CPLX2: variants seen among roughly 807,000 people sequenced by gnomAD.
The protein encoded by CPLX2 is complexin 2.
Under a neutral mutation model 16.3 loss-of-function variants are expected in CPLX2, and 5 were observed. The ratio of observed to expected loss-of-function variants is 0.31; its 90% CI spans 0.16 to 0.64. CPLX2 has a LOEUF of 0.64. CPLX2 is among the 30% of genes least tolerant of loss of function. CPLX2 has a pLI of 0.79. For missense variants in CPLX2, 144 were observed against 181.4 expected, an observed-to-expected ratio of 0.79 and a Z score of 1.18; for synonymous variants, 89 against 73.2, an observed-to-expected ratio of 1.22 and a Z score of -1.10.
chr5:175,830,296 A>G lies in CPLX2; in HGVS notation c.-89+21228A>G, dbSNP rs1417156647. Among the ~76,000 whole-genome samples, 1 of 152,138 alleles carries G rather than the reference A, an allele frequency of 6.6e-6. No homozygotes were observed. The highest frequency in any genetic ancestry group is 1.5e-5 in the Non-Finnish European group (1 of 68,028). ...TGGCTGAATTTTCACAACTCATGAG[A>G]GAGGAAGAGATGATTAGCCCCATTT... On this transcript the variant is annotated intron_variant, in intron 2 of 4. Coordinates refer to the CPLX2 transcript ENST00000359546. This position sits in a 1 kb window ranked among gnomAD's most constrained non-coding sequence, Gnocchi z 4.0.
chr5:175,824,140 G>A (rs896481762), intron 2 of CPLX2, among the ~76,000 whole-genome samples: 15 of 152,134 alleles, frequency 9.9e-5, no homozygotes, highest in Admixed American at 8.5e-4. Context: ...CCTCAAGGAC[G>A]CCTTTTTTTC....
At position 175,880,923 on chromosome 5, in the gene CPLX2, C is replaced by T. The variant is rs1265974225; in HGVS notation, c.*878C>T. On this transcript the variant is annotated 3_prime_UTR_variant, in exon 4 of 4. Coordinates refer to ENST00000393745, the MANE Select transcript of CPLX2 (RefSeq NM_001008220.2). ...AAGCTGCCCCCATTCCTATCCACCC[C>T]TCTCCCCACCCCGTCCTGTCCATGC... The T allele has an allele frequency of 6.5e-6, 1 of 152,794 alleles. No homozygotes were observed. The highest frequency in any genetic ancestry group is 1.5e-5 in the Non-Finnish European group (1 of 68,130). 9.5% of individuals were successfully genotyped at this position (152,794 alleles called of 1,614,324 possible). A position where few individuals can be genotyped will look rare whatever the true frequency, so the allele number is the denominator to read the frequency against.
chr5:175,866,620 T>C (rs1759482747), upstream of CPLX2, among the ~76,000 whole-genome samples: 1 of 151,994 alleles, frequency 6.6e-6, no homozygotes, highest in Non-Finnish European at 1.5e-5. Context: ...AGAGGACCTC[T>C]GAGGAGCTGC....
In CPLX2 at chr5:175,881,006, T is replaced by C. The variant is rs1755579668; in HGVS notation, c.*961T>C. ...CTTCCTGGCCAAAGCCCCAAGCCTT[T>C]GGTGAGAAGCCAATTCCCACTTGAC... On this transcript the variant is annotated 3_prime_UTR_variant, in exon 4 of 4. Coordinates refer to ENST00000393745, the MANE Select transcript of CPLX2 (RefSeq NM_001008220.2). The C allele has an allele frequency of 6.5e-6, 1 of 152,774 alleles. No homozygotes were observed. Among genetic ancestry groups the C allele is most frequent in the Non-Finnish European group, 1.5e-5 (1 of 68,088 alleles). 9.5% of individuals were successfully genotyped at this position (152,774 alleles called of 1,614,324 possible).
intron 2 of CPLX2, among the ~76,000 whole-genome samples, chr5:175,822,249 C>T (rs1360310421): frequency 6.6e-6 from 1 of 152,110 alleles, no homozygotes; most frequent in Non-Finnish European, 1.5e-5. Flanking sequence ...TCCTCAATTT[C>T]GTTTTCCTTC....
chr5:175,840,740 GA>G (rs1191703693), intron 2 of CPLX2, among the ~76,000 whole-genome samples: 1 of 152,216 alleles, frequency 6.6e-6, no homozygotes, highest in Admixed American at 6.5e-5. Context: ...TGGTGCCAGG[GA>G]AAAGGGCAGG....
Position 175,830,090 on chromosome 5 carries a change from T to C in CPLX2, c.-89+21022T>C, listed in dbSNP as rs532816797. ...CGGCCCTCCGTGCTCTCTGGGGTTC[T>C]GAAAACAGAACTGTGTGGTGCCAGG... On this transcript the variant is annotated intron_variant, in intron 2 of 4. Coordinates refer to the CPLX2 transcript ENST00000359546. This position sits in a 1 kb window ranked among gnomAD's most constrained non-coding sequence, Gnocchi z 4.0. 1.6e-4 allele frequency among the ~76,000 whole-genome samples: 24 copies of C among 152,168 alleles called. No homozygotes were observed. Among genetic ancestry groups the C allele is most frequent in the Non-Finnish European group, 2.8e-4 (19 of 68,028 alleles).
chr5:175,835,488 A>G (rs1758812111), intron 2 of CPLX2, among the ~76,000 whole-genome samples: 1 of 152,166 alleles, frequency 6.6e-6, no homozygotes, highest in Non-Finnish European at 1.5e-5. Flanking sequence ...TACAGAAACC[A>G]GACAAAGGTA....
In CPLX2 at chr5:175,878,949, G is replaced by C. The variant is rs750597984; in HGVS notation, c.73G>C (p.Glu25Gln). 1.9e-6 allele frequency: 3 copies of C among 1,612,190 alleles called. No individual in the cohort carries two copies. The highest frequency in any genetic ancestry group is 2.5e-6 in the Non-Finnish European group (3 of 1,179,228). The change falls in exon 3 of 4, where the codon GAG becomes CAG. Residue 25 changes from glutamate (E) to glutamine (Q), a missense_variant. Physicochemically the swap from Glu to Gln is conservative, Grantham distance 29. Coordinates refer to ENST00000393745, the MANE Select transcript of CPLX2 (RefSeq NM_001008220.2). ...GGGGAAGATGCTGGGGGGAGAGGAG[G>C]AGAAGGACCCCGACGCGCAGAAAAA... ...DMGKMLGGEE[E>Q]KDPDAQKKEE...
intron 2 of CPLX2, among the ~76,000 whole-genome samples, chr5:175,864,782 A>G (rs530360607): frequency 3.1e-4 from 47 of 152,302 alleles, no homozygotes; most frequent in African/African-American, 1.1e-3. Flanking sequence ...AAGGGTTGAC[A>G]TCCGTAATGT....
intron 2 of CPLX2, among the ~76,000 whole-genome samples, chr5:175,842,764 C>T (rs1424882371): frequency 2.0e-5 from 3 of 152,240 alleles, no homozygotes; most frequent in African/African-American, 4.8e-5. Context: ...GCAGCCTCTC[C>T]TGAGCCCTGG....
At chr5:175,874,631 G>A (rs1759715204) in intron 1 of CPLX2, among the ~76,000 whole-genome samples, 1 of 152,186 alleles carries the variant, frequency 6.6e-6, no homozygotes, top group South Asian at 2.1e-4. Context: ...GGGAAAGCCA[G>A]GATGAGACTG....
rs1409896393 is a variant in CPLX2 at position 175,865,085 on chromosome 5, C to T, written c.-88-13567C>T. Reference sequence around the variant, plus strand: ...ACATACTCACATGCACGCATGTGCGCGCGCGCACACACACACACACACTCG... The same window carrying T: ...ACATACTCACATGCACGCATGTGCGTGCGCGCACACACACACACACACTCG... On this transcript the variant is annotated intron_variant, in intron 2 of 4. Coordinates refer to the CPLX2 transcript ENST00000359546. Among the ~76,000 whole-genome samples the T allele has an allele frequency of 3.0e-3, 354 of 116,408 alleles. 1 individual carries two copies. The highest frequency in any genetic ancestry group is 0.011 in the African/African-American group (329 of 29,682). The allele number at this position is 116,408 out of a possible 152,430, so 76.4% of individuals were successfully genotyped here.
intron 2 of CPLX2, among the ~76,000 whole-genome samples, chr5:175,821,276 C>T (rs1456185309): frequency 3.3e-5 from 5 of 152,092 alleles, no homozygotes; most frequent in Admixed American, 3.3e-4. Context: ...TCTCCCTTCT[C>T]AGGCCTCCAC....
chr5:175,812,236 C>T (rs1758324833), intron 2 of CPLX2, among the ~76,000 whole-genome samples: 1 of 152,214 alleles, frequency 6.6e-6, no homozygotes, highest in Non-Finnish European at 1.5e-5. Context: ...CAGCTCAGGC[C>T]CCTTGGCCAG....
At chr5:175,801,028 A>G (rs1758084248) in intron 1 of CPLX2, among the ~76,000 whole-genome samples, 1 of 152,088 alleles carries the variant, frequency 6.6e-6, no homozygotes, top group Non-Finnish European at 1.5e-5. Flanking sequence ...GAGTGAGGGG[A>G]GAGCAGCAGC....
chr5:175,797,064 G>A (rs1332641597), intron 1 of CPLX2, among the ~76,000 whole-genome samples: 1 of 152,160 alleles, frequency 6.6e-6, no homozygotes, highest in Non-Finnish European at 1.5e-5. Flanking sequence ...GCGGCGGCCG[G>A]GCGGGCTCCT....
At chr5:175,828,313 G>A (rs979418538) in intron 2 of CPLX2, among the ~76,000 whole-genome samples, 10 of 152,166 alleles carry the variant, frequency 6.6e-5, no homozygotes, top group Admixed American at 1.3e-4. Flanking sequence ...TTGGAACAGC[G>A]AGCTACAGAA....
intron 2 of CPLX2, among the ~76,000 whole-genome samples, chr5:175,827,385 T>A (rs1031577963): frequency 2.6e-5 from 4 of 152,122 alleles, no homozygotes; most frequent in Non-Finnish European, 5.9e-5. Flanking sequence ...CAATGCAGAG[T>A]GGCCCCTCTT....
Sources: allele counts gnomAD v4.1 joint callset (sites outside exome capture counted in the v4.1 genomes callset), GRCh38; gene constraint gnomAD v4.1.1; non-coding constraint Gnocchi (gnomAD v3.1); transcripts MANE v1.5; gene names NCBI Gene and HGNC (gene_info 2026-07-23, HGNC 2026-07-21).